Variants in ADGRG2 observed in about 807,000 individuals in gnomAD.
ADGRG2 encodes the protein G protein-coupled receptor 64.
ADGRG2 carries 26 observed loss-of-function variants against 74.1 expected under a neutral mutation model. The ratio of observed to expected loss-of-function variants is 0.35; its 90% CI spans 0.26 to 0.49. The LOEUF (loss-of-function observed/expected upper bound fraction) is 0.49. Ranked by LOEUF, ADGRG2 falls within the 20% of genes least tolerant of loss-of-function variation. The probability of loss-of-function intolerance (pLI) is 0.99; values close to 1 mark genes in which losing one functional copy is unlikely to be tolerated. For missense variants in ADGRG2, 619 were observed against 763.1 expected (o/e 0.81, Z 2.22); for synonymous variants, 296 against 295.2 (o/e 1.00, Z -0.03).
intron 1 of ADGRG2, among the ~76,000 whole-genome samples, chrX:19,121,160 T>C (rs1417924570): frequency 3.6e-5 from 4 of 111,915 alleles, no homozygotes; most frequent in Non-Finnish European, 7.5e-5. Context: ...CCATTTTTGC[T>C]GGCCAAGCCT....
intron 1 of ADGRG2, among the ~76,000 whole-genome samples, chrX:19,111,478 G>C (rs1419716664): frequency 2.7e-5 from 3 of 111,421 alleles, no homozygotes; most frequent in Non-Finnish European, 5.6e-5. Context: ...AAAACCAAGA[G>C]AGCGTAGGAT....
At chrX:19,095,292 G>C (rs1407987103) in intron 1 of ADGRG2, among the ~76,000 whole-genome samples, 1 of 111,306 alleles carries the variant, frequency 9.0e-6, no homozygotes, top group Non-Finnish European at 1.9e-5. Flanking sequence ...CATGAGTCAT[G>C]TTACTCCCAA....
intron 3 of ADGRG2, among the ~76,000 whole-genome samples, chrX:19,063,379 C>T (rs919523631): frequency 4.5e-5 from 5 of 112,281 alleles, no homozygotes; most frequent in Admixed American, 9.4e-5. Flanking sequence ...CAGACACTTA[C>T]TGAGGGTGCC....
chrX:19,027,820 C>G (rs992773348), intron 10 of ADGRG2, among the ~76,000 whole-genome samples: 4 of 111,931 alleles, frequency 3.6e-5, no homozygotes, highest in Admixed American at 9.5e-5. Context: ...TCAGAATCCC[C>G]CATGGGGCAA....
intron 15 of ADGRG2, among the ~76,000 whole-genome samples, chrX:19,016,557 T>C (rs984542651): frequency 9.2e-6 from 1 of 109,096 alleles, no homozygotes; most frequent in Non-Finnish European, 1.9e-5. Flanking sequence ...TATTTATTAT[T>C]ATTATACTTT....
intron 1 of ADGRG2, among the ~76,000 whole-genome samples, chrX:19,120,920 C>T (rs1369932446): frequency 1.8e-5 from 2 of 111,966 alleles, no homozygotes; most frequent in African/African-American, 3.2e-5. Context: ...TAAATATTGA[C>T]GTATTTAGAA....
At chrX:19,002,345 T>A (rs1327483248) in intron 24 of ADGRG2, among the ~76,000 whole-genome samples, 4 of 111,613 alleles carry the variant, frequency 3.6e-5, no homozygotes, top group Non-Finnish European at 7.5e-5. Flanking sequence ...ATCTGAAATG[T>A]CATGCCCACG....
At chrX:19,103,085 G>A (rs1346329860) in intron 1 of ADGRG2, among the ~76,000 whole-genome samples, 3 of 110,929 alleles carry the variant, frequency 2.7e-5, no homozygotes, top group Admixed American at 9.7e-5. Context: ...GGATGAGACA[G>A]GAGGTCGGCA....
At chrX:19,016,037 G>A (rs1055292253) in intron 15 of ADGRG2, among the ~76,000 whole-genome samples, 2 of 112,131 alleles carry the variant, frequency 1.8e-5, no homozygotes, top group African/African-American at 6.5e-5. Flanking sequence ...GGTGGGCAAT[G>A]CCAGCAGTAC....
chrX:18,998,318 T>C (rs2060055717), intron 26 of ADGRG2, among the ~76,000 whole-genome samples: 1 of 111,287 alleles, frequency 9.0e-6, no homozygotes, highest in East Asian at 2.8e-4. Flanking sequence ...TCTACTTGAA[T>C]ACAAAAGTTT....
At chrX:19,115,562 G>T (rs763342406) in intron 1 of ADGRG2, among the ~76,000 whole-genome samples, 1 of 111,312 alleles carries the variant, frequency 9.0e-6, no homozygotes, top group Non-Finnish European at 1.9e-5. Flanking sequence ...CACAGCAAAC[G>T]CTTGGCTTGG....
At chrX:19,032,891 T>C (rs1254708278) in intron 8 of ADGRG2, 1 of 111,771 alleles carries the variant, frequency 8.9e-6, no homozygotes, top group Non-Finnish European at 1.9e-5. Context: ...GTGTGTGTAG[T>C]CTTGTATCAG....
At chrX:19,115,676 A>T (rs1019071792) in intron 1 of ADGRG2, among the ~76,000 whole-genome samples, 3 of 111,232 alleles carry the variant, frequency 2.7e-5, no homozygotes, top group Non-Finnish European at 5.7e-5. Context: ...GTGTGGTAGG[A>T]GGCGGCGCGG....
At chrX:19,105,882 C>T (rs1231452941) in intron 1 of ADGRG2, among the ~76,000 whole-genome samples, 10 of 95,801 alleles carry the variant, frequency 1.0e-4, no homozygotes, top group Non-Finnish European at 1.8e-4. Context: ...GAGCCAAGAT[C>T]GCACCACTGC....
intron 3 of ADGRG2, among the ~76,000 whole-genome samples, chrX:19,048,979 C>T (rs926522493): frequency 9.0e-6 from 1 of 111,721 alleles, no homozygotes; most frequent in African/African-American, 3.3e-5. Context: ...ATGGAATCGC[C>T]CCAACATTTC....
chrX:19,040,694 G>A (rs917163817), intron 3 of ADGRG2, among the ~76,000 whole-genome samples: 1 of 111,864 alleles, frequency 8.9e-6, no homozygotes, highest in South Asian at 3.7e-4. Flanking sequence ...TCTTTCTTAT[G>A]AGTTAAGCTA....
chrX:19,029,493 T>C (rs1253786529), intron 9 of ADGRG2, among the ~76,000 whole-genome samples: 1 of 111,083 alleles, frequency 9.0e-6, no homozygotes, highest in African/African-American at 3.3e-5. Flanking sequence ...AGCCTCCATT[T>C]TCCTTAATGA....
chrX:19,010,789 G>A lies in ADGRG2; in HGVS notation c.1100-11C>T, dbSNP rs2068979943. On this transcript the variant is annotated splice_polypyrimidine_tract_variant and intron_variant, in intron 16 of 28. Transcript: ENST00000379869. ...TGGTGTTGACGATGTCTATATCAAA[G>A]AGCCAAATCGTGTTATGAACACACA... The A allele has an allele frequency of 8.6e-7, 1 of 1,166,565 alleles. No individual in the cohort carries two copies. Among genetic ancestry groups the A allele is most frequent in the South Asian group, 1.9e-5 (1 of 52,394 alleles).
chrX:19,107,618 T>C (rs1198300695), intron 1 of ADGRG2, among the ~76,000 whole-genome samples: 1 of 101,901 alleles, frequency 9.8e-6, no homozygotes, highest in Non-Finnish European at 1.9e-5. Context: ...ATTCAGCAGT[T>C]CCAGGAGTTT....
Sources: gnomAD v4.1 joint callset for allele counts (sites outside exome capture counted in the v4.1 genomes callset) on GRCh38, gnomAD v4.1.1 for gene constraint, MANE v1.5 for transcripts, NCBI Gene and HGNC (gene_info 2026-07-23, HGNC 2026-07-21) for gene names.